The following RAMP3 variants were observed in gnomAD, a reference collection of about 807,000 sequenced individuals.
RAMP3 encodes receptor activity modifying protein 3.
Under a neutral mutation model 13.5 loss-of-function variants are expected in RAMP3, and 14 were observed. The observed-to-expected ratio is 1.04, with a 90% CI of 0.69 to 1.63. The LOEUF is 1.63. Ranked by LOEUF, RAMP3 falls within the 40% of genes most tolerant of loss-of-function variation. RAMP3 has a pLI of 0.00. For synonymous variants in RAMP3, 106 were observed against 88.3 expected, an observed-to-expected ratio of 1.20 and a Z score of -1.12; for missense variants, 200 against 204.8, an observed-to-expected ratio of 0.98 and a Z score of 0.14.
intron 1 of RAMP3, among the ~76,000 whole-genome samples, chr7:45,169,720 TC>T (rs1435346059): frequency 2.0e-5 from 3 of 152,210 alleles, no homozygotes; most frequent in African/African-American, 7.2e-5. Flanking sequence ...CTTCACCTCA[TC>T]TTCTTTCTGT....
At chr7:45,167,558 C>CTTTTTTTTTT in intron 1 of RAMP3, among the ~76,000 whole-genome samples, 1 of 139,496 alleles carries the variant, frequency 7.2e-6, no homozygotes, top group Non-Finnish European at 1.6e-5. Flanking sequence ...CAACTTTGTT[C>CTTTTTTTTTT]TTTTTTTTTT....
intron 1 of RAMP3, among the ~76,000 whole-genome samples, chr7:45,162,930 A>T (rs1479957481): frequency 6.6e-6 from 1 of 152,142 alleles, no homozygotes; most frequent in Non-Finnish European, 1.5e-5. Context: ...TCGGACCTGC[A>T]GAAGGGGCTT....
rs779250200 is a variant in RAMP3 at position 45,183,409 on chromosome 7, G to T, written c.444G>T (p.Leu148=). Residue 148 remains leucine (L), a synonymous_variant, in exon 3 of 3, where the codon CTG becomes CTT. Transcript: ENST00000242249. ...VWRSKRTDTL[L] is the part of the protein sequence containing the mutation. ...GCAGCAAACGCACCGACACGCTGCT[G>T]TGAGGGTCCCGGTGAGATGGAGTGG... The T allele has an allele frequency of 3.7e-6, 6 of 1,611,828 alleles. No homozygotes were observed. The highest frequency in any genetic ancestry group is 2.2e-5 in the South Asian group (2 of 91,086).
At chr7:45,175,888 G>A (rs1006765913) in intron 1 of RAMP3, among the ~76,000 whole-genome samples, 10 of 152,264 alleles carry the variant, frequency 6.6e-5, no homozygotes, top group East Asian at 3.9e-4. Flanking sequence ...TGTCTGGGGC[G>A]CTGTGTTCTG....
At chr7:45,166,113 AT>A (rs562694775) in intron 1 of RAMP3, among the ~76,000 whole-genome samples, 370 of 151,618 alleles carry the variant, frequency 2.4e-3, no homozygotes, top group African/African-American at 8.7e-3. Context: ...TGGCTGCTTC[AT>A]TTTACATTCC....
chr7:45,175,382 C>T (rs545632207), intron 1 of RAMP3, among the ~76,000 whole-genome samples: 3 of 152,282 alleles, frequency 2.0e-5, no homozygotes, highest in East Asian at 3.9e-4. Flanking sequence ...CCAGGGTTCT[C>T]TGGGGCCTCA....
At chr7:45,164,003 AT>A in intron 1 of RAMP3, 1 of 557,042 alleles carries the variant, frequency 1.8e-6, no homozygotes, top group Non-Finnish European at 2.3e-6. Context: ...CTGCCTTTCT[AT>A]TAGACTTTAA....
At chr7:45,178,946 T>C (rs1398809656) in intron 2 of RAMP3, among the ~76,000 whole-genome samples, 1 of 152,102 alleles carries the variant, frequency 6.6e-6, no homozygotes, top group African/African-American at 2.4e-5. Flanking sequence ...AACAGCCAGG[T>C]TGACATTGCG....
intron 1 of RAMP3, chr7:45,164,007 G>A: frequency 5.6e-6 from 3 of 536,458 alleles, no homozygotes; most frequent in Non-Finnish European, 7.1e-6. Context: ...CTTTCTATTA[G>A]ACTTTAAATA....
rs1584081439 is a variant in RAMP3 at position 45,183,710 on chromosome 7, A to T, written c.*298A>T. Reference sequence around the variant, plus strand: ...TCACCTGCTGCATCCTGTGCTCCGCAGGCTGGGCCGGAGCCTCTGCCCGCA... The same window carrying T: ...TCACCTGCTGCATCCTGTGCTCCGCTGGCTGGGCCGGAGCCTCTGCCCGCA... On this transcript the variant is annotated 3_prime_UTR_variant, in exon 3 of 3. Transcript: ENST00000242249. The T allele has an allele frequency of 8.6e-6, 5 of 578,516 alleles. No homozygotes were observed. The highest frequency in any genetic ancestry group is 1.9e-5 in the African/African-American group (1 of 53,600). The allele number at this position is 578,516 out of a possible 1,614,324, so 35.8% of individuals were successfully genotyped here.
At position 45,175,007 on chromosome 7, in the gene RAMP3, G is replaced by T. The variant is rs1305631238; in HGVS notation, c.59-2302G>T. On this transcript the variant is annotated intron_variant, in intron 1 of 2. Coordinates refer to ENST00000242249, the MANE Select transcript of RAMP3 (RefSeq NM_005856.3). The stretch of plus-strand genomic sequence containing the variant: ...GCAGACCCTGTGGGACCATGTGGGG[G>T]ACCTGTGCTACATGCAGGGATGGGA... 2.6e-5 allele frequency among the ~76,000 whole-genome samples: 4 copies of T among 152,206 alleles called. No individual in the cohort carries two copies. In the East Asian group the frequency reaches 7.7e-4, roughly 29 times the overall value.
chr7:45,158,976 C>T (rs1042619644), intron 1 of RAMP3, among the ~76,000 whole-genome samples: 22 of 152,164 alleles, frequency 1.4e-4, no homozygotes, highest in African/African-American at 4.3e-4. Context: ...TTCCAGTGAG[C>T]GCCCCTTAGG....
At chr7:45,182,427 G>A (rs1035127564) in intron 2 of RAMP3, among the ~76,000 whole-genome samples, 8 of 152,172 alleles carry the variant, frequency 5.3e-5, no homozygotes, top group Non-Finnish European at 1.2e-4. Flanking sequence ...TTTATGCTGA[G>A]TTGACCTCTG....
Position 45,183,421 on chromosome 7 carries a change from G to C in RAMP3, c.*9G>C. 1 of 1,609,644 alleles carries C rather than the reference G, an allele frequency of 6.2e-7. No individual in the cohort carries two copies. Among genetic ancestry groups the C allele is most frequent in the South Asian group, 1.1e-5 (1 of 91,084 alleles). On this transcript the variant is annotated 3_prime_UTR_variant, in exon 3 of 3. Transcript: ENST00000242249. ...CCGACACGCTGCTGTGAGGGTCCCG[G>C]TGAGATGGAGTGGGTCACACCTGGC...
chr7:45,167,660 T>C (rs56407374), intron 1 of RAMP3, among the ~76,000 whole-genome samples: 39,714 of 150,888 alleles, frequency 0.26, 6,314 homozygotes, highest in African/African-American at 0.45. Flanking sequence ...GCCTCCCGGG[T>C]TCAAGCGATT....
chr7:45,163,895 T>C (rs755335554), intron 1 of RAMP3: 3 of 985,018 alleles, frequency 3.0e-6, no homozygotes, highest in Non-Finnish European at 3.6e-6. Context: ...GGACGCCAGC[T>C]TCAGTCCTGG....
chr7:45,178,327 C>T (rs1786234897), intron 2 of RAMP3, among the ~76,000 whole-genome samples: 1 of 152,174 alleles, frequency 6.6e-6, no homozygotes, highest in South Asian at 2.1e-4. Context: ...GCCTCACAGT[C>T]CTCTGCCCCA....
At chr7:45,167,715 T>A (rs1317221500) in intron 1 of RAMP3, among the ~76,000 whole-genome samples, 1 of 151,898 alleles carries the variant, frequency 6.6e-6, no homozygotes, top group Non-Finnish European at 1.5e-5. Flanking sequence ...GCTTCCCAAG[T>A]AGCTGGGATT....
intron 1 of RAMP3, among the ~76,000 whole-genome samples, chr7:45,167,671 C>T (rs1785995011): frequency 6.6e-6 from 1 of 151,844 alleles, no homozygotes; most frequent in Admixed American, 6.6e-5. Context: ...TCAAGCGATT[C>T]TCCTGCCTCC....
Sources: gnomAD v4.1 joint callset for allele counts (sites outside exome capture counted in the v4.1 genomes callset) on GRCh38, gnomAD v4.1.1 for gene constraint, MANE v1.5 for transcripts, NCBI Gene and HGNC (gene_info 2026-07-23, HGNC 2026-07-21) for gene names.